Variants in LRRC20 observed in about 807,000 individuals in gnomAD.
LRRC20 encodes leucine rich repeat containing 20.
A neutral mutation model predicts 14.4 loss-of-function variants in LRRC20; 11 were observed. The observed-to-expected ratio is 0.77, with a 90% CI of 0.48 to 1.27. The LOEUF (loss-of-function observed/expected upper bound fraction) is 1.27. Ranked by LOEUF, LRRC20 falls within the 50% of genes most tolerant of loss-of-function variation. The pLI is 0.00. For synonymous variants in LRRC20, 121 were observed against 107.3 expected (o/e 1.13, Z -0.79); for missense variants, 219 against 251.2 (o/e 0.87, Z 0.87).
chr10:70,316,067 T>C (rs1460611306), intron 4 of LRRC20, among the ~76,000 whole-genome samples: 2 of 152,138 alleles, frequency 1.3e-5, no homozygotes, highest in Non-Finnish European at 2.9e-5. Context: ...GGACAGGTAG[T>C]AGTGGAGAGT....
intron 4 of LRRC20, among the ~76,000 whole-genome samples, chr10:70,320,403 T>C (rs564303269): frequency 6.6e-6 from 1 of 152,300 alleles, no homozygotes; most frequent in Admixed American, 6.5e-5. Context: ...GTAATTACCA[T>C]TTTATATGTG....
Position 70,366,819 on chromosome 10 carries a change from T to C in LRRC20, c.82+9633A>G, listed in dbSNP as rs184945136. ...ACAACTATTTACATAGCATTTACAT[T>C]GTATTATGTACTATAAGTAATCTAG... is the stretch of plus-strand genomic sequence containing the variant. On this transcript the variant is annotated intron_variant, in intron 2 of 4. Transcript: ENST00000446961. Among the ~76,000 whole-genome samples, 336 of 152,334 alleles carry C rather than the reference T, an allele frequency of 2.2e-3. 2 individuals are homozygous for C. The highest frequency in any genetic ancestry group is 7.8e-3 in the African/African-American group (326 of 41,576).
At chr10:70,348,938 G>A (rs535122816) in intron 2 of LRRC20, among the ~76,000 whole-genome samples, 5 of 152,306 alleles carry the variant, frequency 3.3e-5, no homozygotes, top group Admixed American at 3.3e-4. Flanking sequence ...TCAATGTTGG[G>A]CCCTGAGTTT....
At position 70,340,658 on chromosome 10, in the gene LRRC20, T is replaced by C. The variant is rs146470449; in HGVS notation, c.127A>G (p.Lys43Glu). Residue 43 changes from lysine to glutamate, a missense_variant, in exon 3 of 5, where the codon AAG becomes GAG. Coordinates refer to ENST00000446961, the MANE Select transcript of LRRC20 (RefSeq NM_001278212.2). The part of the protein sequence containing the change: ...KLVSFPIGIY[K>E]VLRNVSGQIH... The stretch of plus-strand genomic sequence containing the variant: ...TGGCCAGAGACATTCCGCAGGACCT[T>C]GTAGATGCCAATGGGAAAGGAGACC... 2.5e-6 allele frequency: 4 copies of C among 1,614,168 alleles called. No homozygotes were observed. The African/African-American group carries it at 4.0e-5, about 16-fold the overall frequency.
At position 70,376,492 on chromosome 10, in the gene LRRC20, C is replaced by T; in HGVS notation, c.42G>A (p.Arg14=). The T allele has an allele frequency of 3.1e-6, 5 of 1,614,108 alleles. No homozygotes were observed. Among genetic ancestry groups the T allele is most frequent in the Non-Finnish European group, 4.2e-6 (5 of 1,180,032 alleles). ...KMGEAVARVA[R]KVNETVESGS... ...CGCTCTCCACCGTCTCGTTGACCTT[C>T]CTTGCTACTCTGGCCACGGCCTCAC... The change falls in exon 2 of 5, where the codon AGG becomes AGA. Residue 14 remains arginine (R), a synonymous_variant. Coordinates refer to ENST00000446961, the MANE Select transcript of LRRC20 (RefSeq NM_001278212.2).
Position 70,300,264 on chromosome 10 carries a change from C to T in LRRC20, c.*1090G>A. 1.3e-6 allele frequency: 1 copy of T among 741,280 alleles called. No individual in the cohort carries two copies. The highest frequency in any genetic ancestry group is 1.6e-6 in the Non-Finnish European group (1 of 607,062). The allele number at this position is 741,280 out of a possible 1,614,324, so 45.9% of individuals were successfully genotyped here. A position where few individuals can be genotyped will look rare whatever the true frequency, so the allele number is the denominator to read the frequency against. On this transcript the variant is annotated 3_prime_UTR_variant, in exon 5 of 5. Coordinates refer to ENST00000446961, the MANE Select transcript of LRRC20 (RefSeq NM_001278212.2). Reference sequence around the variant, plus strand: ...CTCTCCTGGTAGGGGACCAACCATCCCCACTTGCTGGGTACTGTCCCAGTT... The same window carrying T: ...CTCTCCTGGTAGGGGACCAACCATCTCCACTTGCTGGGTACTGTCCCAGTT...
At chr10:70,353,429 T>G (rs1843396377) in intron 2 of LRRC20, among the ~76,000 whole-genome samples, 1 of 152,078 alleles carries the variant, frequency 6.6e-6, no homozygotes, top group African/African-American at 2.4e-5. Flanking sequence ...GTATTTTTTA[T>G]TTTTTTGAGA....
intron 3 of LRRC20, among the ~76,000 whole-genome samples, chr10:70,326,762 C>T (rs2136961432): frequency 1.3e-5 from 2 of 152,334 alleles, no homozygotes; most frequent in South Asian, 4.1e-4. Flanking sequence ...ACGCCATTCT[C>T]CTGTCTCAGC....
At chr10:70,350,840 G>C (rs1843273795) in intron 2 of LRRC20, among the ~76,000 whole-genome samples, 5 of 152,200 alleles carry the variant, frequency 3.3e-5, no homozygotes. Flanking sequence ...TGGAATCTCA[G>C]GGTTAGGAGA....
intron 2 of LRRC20, among the ~76,000 whole-genome samples, chr10:70,360,868 A>T (rs1843693015): frequency 6.6e-6 from 1 of 152,130 alleles, no homozygotes; most frequent in Non-Finnish European, 1.5e-5. Context: ...ATTAGGTCCC[A>T]CTGAAATGGG....
chr10:70,332,410 G>A (rs1842574928), intron 3 of LRRC20, among the ~76,000 whole-genome samples: 2 of 152,252 alleles, frequency 1.3e-5, no homozygotes, highest in Non-Finnish European at 2.9e-5. Context: ...TTGGGAGGCT[G>A]AGACAGGCGG....
chr10:70,314,897 C>A (rs1053083101), intron 4 of LRRC20, among the ~76,000 whole-genome samples: 3 of 152,116 alleles, frequency 2.0e-5, no homozygotes, highest in Admixed American at 1.3e-4. Context: ...TGCACTTCAG[C>A]CATAATGTTC....
At chr10:70,302,798 C>A (rs1349908493) in intron 4 of LRRC20, among the ~76,000 whole-genome samples, 2 of 151,648 alleles carry the variant, frequency 1.3e-5, no homozygotes, top group Non-Finnish European at 2.9e-5. Flanking sequence ...GCAAGCTCCG[C>A]CTCCCAGGTT....
intron 4 of LRRC20, among the ~76,000 whole-genome samples, chr10:70,302,155 T>C (rs1841217587): frequency 6.6e-6 from 1 of 151,930 alleles, no homozygotes; most frequent in Admixed American, 6.6e-5. Flanking sequence ...CTACTAAAAA[T>C]ACAAAAACAT....
At chr10:70,346,728 T>A (rs1298535349) in intron 2 of LRRC20, among the ~76,000 whole-genome samples, 2 of 152,240 alleles carry the variant, frequency 1.3e-5, no homozygotes, top group Non-Finnish European at 2.9e-5. Flanking sequence ...AGTGGTTATT[T>A]CAAAGGATTT....
chr10:70,324,603 T>C (rs963368519), intron 3 of LRRC20, among the ~76,000 whole-genome samples: 4 of 152,072 alleles, frequency 2.6e-5, no homozygotes, highest in African/African-American at 9.7e-5. Flanking sequence ...CAGGGACCTG[T>C]GTGGGAAGGC....
chr10:70,350,393 G>GT (rs774081166), intron 2 of LRRC20, among the ~76,000 whole-genome samples: 21 of 152,316 alleles, frequency 1.4e-4, no homozygotes, highest in South Asian at 1.2e-3. Context: ...AATTAGAACA[G>GT]TTTTTTGCAT....
At chr10:70,313,189 C>G (rs1011097473) in intron 4 of LRRC20, among the ~76,000 whole-genome samples, 1 of 152,226 alleles carries the variant, frequency 6.6e-6, no homozygotes, top group Non-Finnish European at 1.5e-5. Context: ...TGGGCCCATG[C>G]CTGACATTTA....
Position 70,301,407 on chromosome 10 carries a change from T to A in LRRC20, c.502A>T (p.Ile168Phe), listed in dbSNP as rs760361013. 1.2e-6 allele frequency: 2 copies of A among 1,614,038 alleles called. No homozygotes were observed. Among genetic ancestry groups the A allele is most frequent in the Non-Finnish European group, 1.7e-6 (2 of 1,180,030 alleles). Residue 168 changes from isoleucine to phenylalanine, a missense_variant, in exon 5 of 5, where the codon ATC (isoleucine) becomes TTC (phenylalanine). Transcript: ENST00000446961. Reference sequence around the variant, plus strand: ...GGAGACATGAGCATGTCAAACTTGATGAGCGGCGGGGCGATCACGCGCACC... The same window carrying A: ...GGAGACATGAGCATGTCAAACTTGAAGAGCGGCGGGGCGATCACGCGCACC... ...AEVRVIAPPL[I>F]KFDMLMSPEG...
Sources: gnomAD v4.1 joint callset for allele counts (sites outside exome capture counted in the v4.1 genomes callset) on GRCh38, gnomAD v4.1.1 for gene constraint, MANE v1.5 for transcripts, NCBI Gene and HGNC (gene_info 2026-07-23, HGNC 2026-07-21) for gene names.